Variants in DIXDC1 observed in about 807,000 individuals in gnomAD.
DIXDC1 encodes the protein dixin.
A neutral mutation model predicts 103.1 loss-of-function variants in DIXDC1; 64 were observed. The ratio of observed to expected loss-of-function variants is 0.62; its 90% CI spans 0.51 to 0.76. The LOEUF (loss-of-function observed/expected upper bound fraction) is 0.76, where lower values mean the gene tolerates loss of function less well. Among genes scored for constraint, DIXDC1 ranks in the 30% least tolerant of loss-of-function variants. The pLI is 0.00. For synonymous variants in DIXDC1, 266 were observed against 298.5 expected (o/e 0.89, Z 1.12); for missense variants, 759 against 834.2 (o/e 0.91, Z 1.11).
In DIXDC1 at chr11:111,977,312, C is replaced by T. The variant is rs1471335042; in HGVS notation, c.656+2329C>T. On this transcript the variant is annotated intron_variant, in intron 5 of 19. Transcript: ENST00000440460. The surrounding 1 kb of genome is among the most constrained non-coding windows in gnomAD (Gnocchi z 6.1). ...GCAGAGGGTGGGGCGGGGAGGGATC[C>T]GGAAGGTGGCACGGAGTGGGATCGC... 1.1e-5 allele frequency: 11 copies of T among 1,045,784 alleles called. No individual in the cohort carries two copies. The African/African-American group carries it at 1.2e-4, about 12-fold the overall frequency. The allele number at this position is 1,045,784 out of a possible 1,614,324, so 64.8% of individuals were successfully genotyped here. A position where few individuals can be genotyped will look rare whatever the true frequency, so the allele number is the denominator to read the frequency against.
rs1859456504 is a variant in DIXDC1 at position 111,958,302 on chromosome 11, G to T, written c.61-6247G>T. ...CCCCAACCCCTCAGGTATAGCTGCA[G>T]CTGCAGCTGCCCAAGCCACAGCTGT... is the stretch of plus-strand genomic sequence containing the variant. On this transcript the variant is annotated intron_variant, in intron 1 of 19. Coordinates refer to ENST00000440460, the MANE Select transcript of DIXDC1 (RefSeq NM_001037954.4). The surrounding 1 kb of genome is among the most constrained non-coding windows in gnomAD (Gnocchi z 4.2). Among the ~76,000 whole-genome samples the T allele has an allele frequency of 4.6e-5, 7 of 152,194 alleles. No homozygotes were observed. The highest frequency in any genetic ancestry group is 4.6e-4 in the Admixed American group (7 of 15,290).
chr11:111,956,970 C>T (rs192974355), intron 1 of DIXDC1, among the ~76,000 whole-genome samples: 217 of 151,942 alleles, frequency 1.4e-3, no homozygotes, highest in Admixed American at 6.0e-3. Context: ...AGCTTGAGAG[C>T]AGCCTGAGCA....
At chr11:111,997,699 C>G (rs782439172) in intron 17 of DIXDC1, among the ~76,000 whole-genome samples, 1 of 151,994 alleles carries the variant, frequency 6.6e-6, no homozygotes. Flanking sequence ...GGTGTAAATA[C>G]TTAGAAATTT....
intron 3 of DIXDC1, among the ~76,000 whole-genome samples, chr11:111,969,694 T>C (rs782117094): frequency 6.6e-6 from 1 of 152,184 alleles, no homozygotes; most frequent in Non-Finnish European, 1.5e-5. Flanking sequence ...CTGATTGCCT[T>C]TGGGTCTCAT....
chr11:112,014,874 C>A (rs977956482), intron 17 of DIXDC1, among the ~76,000 whole-genome samples: 1 of 151,434 alleles, frequency 6.6e-6, no homozygotes, highest in East Asian at 1.9e-4. Flanking sequence ...ATGTAGGTTA[C>A]AATAATTGGC....
At chr11:111,995,967 G>A (rs1860885904) in intron 16 of DIXDC1, 113 bp from the exon 17 acceptor site, 4 of 897,062 alleles carry the variant, frequency 4.5e-6, no homozygotes, top group Admixed American at 4.1e-5. Context: ...TATATGTTGT[G>A]GAAGAGATGG....
At chr11:111,969,922 A>G (rs1555171908) in intron 3 of DIXDC1, among the ~76,000 whole-genome samples, 2 of 152,198 alleles carry the variant, frequency 1.3e-5, no homozygotes, top group African/African-American at 4.8e-5. Context: ...AGAAAAAGTT[A>G]AACTATCTCT....
At chr11:112,008,674 A>G (rs984071000) in intron 17 of DIXDC1, among the ~76,000 whole-genome samples, 3 of 152,220 alleles carry the variant, frequency 2.0e-5, no homozygotes, top group Non-Finnish European at 4.4e-5. Flanking sequence ...GCACAACTAC[A>G]TGGAAACTGA....
chr11:111,960,604 AAAAAAG>A (rs1264705238), intron 1 of DIXDC1, among the ~76,000 whole-genome samples: 4 of 151,864 alleles, frequency 2.6e-5, no homozygotes, highest in African/African-American at 9.7e-5. Flanking sequence ...TAAAAAAAAA[AAAAAAG>A]AAAAGAAAAA....
chr11:111,995,219 G>A (rs1860854935), intron 15 of DIXDC1, 111 bp downstream of exon 15: 1 of 1,346,740 alleles, frequency 7.4e-7, no homozygotes, highest in Admixed American at 1.9e-5. Flanking sequence ...CCTAATTCCT[G>A]GATCTGTGGA....
intron 1 of DIXDC1, among the ~76,000 whole-genome samples, chr11:111,948,244 T>TTTC (rs1966663150): frequency 2.0e-5 from 3 of 152,218 alleles, no homozygotes; most frequent in Non-Finnish European, 4.4e-5. Flanking sequence ...TCTTGAACTC[T>TTTC]GAAACTCTAC....
At chr11:111,994,288 T>A (rs1555175015) in intron 14 of DIXDC1, among the ~76,000 whole-genome samples, 1 of 152,102 alleles carries the variant, frequency 6.6e-6, no homozygotes, top group African/African-American at 2.4e-5. Flanking sequence ...CTCAGGAGGC[T>A]GAGGCAGGAG....
chr11:111,961,563 G>A (rs976811039), intron 1 of DIXDC1, among the ~76,000 whole-genome samples: 1 of 152,316 alleles, frequency 6.6e-6, no homozygotes, highest in East Asian at 1.9e-4. Context: ...TGTTTATGCT[G>A]TGGAATCCTC....
Position 111,977,602 on chromosome 11 carries a change from C to G in DIXDC1, c.656+2619C>G, listed in dbSNP as rs587672015. Reference sequence around the variant, plus strand: ...GAGACGCCGCCGCCGCCGCCGTTCCCGCTTTCTCCCGCGAGCCGGGCCAGT... The same window carrying G: ...GAGACGCCGCCGCCGCCGCCGTTCCGGCTTTCTCCCGCGAGCCGGGCCAGT... On this transcript the variant is annotated intron_variant, in intron 5 of 19. Transcript: ENST00000440460. This position sits in a 1 kb window ranked among gnomAD's most constrained non-coding sequence, Gnocchi z 6.1. 299 of 1,517,298 alleles carry G rather than the reference C, an allele frequency of 2.0e-4. No homozygotes were observed. The African/African-American group carries it at 3.8e-3, about 19-fold the overall frequency. 94.0% of individuals were successfully genotyped at this position (1,517,298 alleles called of 1,614,324 possible). A position where few individuals can be genotyped will look rare whatever the true frequency, so the allele number is the denominator to read the frequency against.
intron 10 of DIXDC1, among the ~76,000 whole-genome samples, chr11:111,989,300 A>G (rs1592601702): frequency 6.6e-6 from 1 of 152,078 alleles, no homozygotes; most frequent in Non-Finnish European, 1.5e-5. Context: ...GATTGTCTCT[A>G]TATGTAAAAG....
chr11:111,977,411 G>A lies in DIXDC1; in HGVS notation c.656+2428G>A, dbSNP rs75508818. 0.038 allele frequency: 43,921 copies of A among 1,154,908 alleles called. 988 individuals are homozygous for A. The highest frequency in any genetic ancestry group is 0.042 in the Non-Finnish European group (38,969 of 936,370). The allele number at this position is 1,154,908 out of a possible 1,614,324, so 71.5% of individuals were successfully genotyped here. ...GTGGGAGATGGGTTGAGATGCCCCCGCCAGGGGGGATGCCCGGCACCGTGC... is the reference window on the plus strand; with the variant it reads ...GTGGGAGATGGGTTGAGATGCCCCCACCAGGGGGGATGCCCGGCACCGTGC... On this transcript the variant is annotated intron_variant, in intron 5 of 19. Transcript: ENST00000440460. This position sits in a 1 kb window ranked among gnomAD's most constrained non-coding sequence, Gnocchi z 6.1.
At chr11:111,975,785 G>A (rs1388861827) in intron 5 of DIXDC1, 1 of 985,112 alleles carries the variant, frequency 1.0e-6, no homozygotes, top group Non-Finnish European at 1.2e-6. Flanking sequence ...ATGTGTCCTT[G>A]TTTTCTTCCT....
intron 2 of DIXDC1, among the ~76,000 whole-genome samples, chr11:111,931,244 TG>T (rs1555167641): frequency 3.3e-5 from 5 of 151,758 alleles, no homozygotes; most frequent in Admixed American, 3.3e-4. Context: ...CTGAATGAGG[TG>T]GGAGGATTGC....
intron 17 of DIXDC1, among the ~76,000 whole-genome samples, chr11:111,996,783 G>A (rs1437604296): frequency 6.6e-6 from 1 of 152,218 alleles, no homozygotes; most frequent in Non-Finnish European, 1.5e-5. Context: ...CCAGGAGGTG[G>A]AGGTTGTGGT....
Sources: allele counts gnomAD v4.1 joint callset (sites outside exome capture counted in the v4.1 genomes callset), GRCh38; gene constraint gnomAD v4.1.1; non-coding constraint Gnocchi (gnomAD v3.1); transcripts MANE v1.5; gene names NCBI Gene and HGNC (gene_info 2026-07-23, HGNC 2026-07-21).